Variants in NCK2 observed in about 807,000 individuals in gnomAD.
NCK2 encodes cytoplasmic protein NCK2.
A neutral mutation model predicts 33.9 loss-of-function variants in NCK2; 16 were observed. The observed-to-expected ratio is 0.47, with a 90% confidence interval of 0.32 to 0.72. The LOEUF is 0.72. NCK2 is among the 30% of genes least tolerant of loss of function. The probability of loss-of-function intolerance (pLI) is 0.03; values close to 1 mark genes in which losing one functional copy is unlikely to be tolerated. For synonymous variants in NCK2, 273 were observed against 239.9 expected (o/e 1.14, Z -1.27); for missense variants, 418 against 537.3 (o/e 0.78, Z 2.19).
intron 4 of NCK2, among the ~76,000 whole-genome samples, chr2:105,889,718 G>A (rs1186105252): frequency 6.6e-6 from 1 of 151,850 alleles, no homozygotes; most frequent in Non-Finnish European, 1.5e-5. Context: ...CAAGTAGCTG[G>A]GACCACAGGT....
chr2:105,819,997 G>T (rs1041917369), intron 2 of NCK2, among the ~76,000 whole-genome samples: 1 of 152,164 alleles, frequency 6.6e-6, no homozygotes, highest in African/African-American at 2.4e-5. Context: ...GTTTGGGACT[G>T]TGCTAACTGC....
chr2:105,842,142 A>G lies in NCK2; in HGVS notation c.-16-12906A>G, dbSNP rs557275718. On this transcript the variant is annotated intron_variant, in intron 2 of 4. Transcript: ENST00000233154. ...CTCTCGTTTCCCAGGCTGGAGTGCA[A>G]TGGCGCGACCTCGGCTCACTGCAAC... 9.2e-5 allele frequency among the ~76,000 whole-genome samples: 14 copies of G among 151,982 alleles called. No individual in the cohort carries two copies. The East Asian group carries it at 2.7e-3, about 29-fold the overall frequency.
intron 2 of NCK2, among the ~76,000 whole-genome samples, chr2:105,835,765 A>T (rs1384081005): frequency 3.3e-5 from 5 of 152,020 alleles, no homozygotes; most frequent in Admixed American, 2.6e-4. Flanking sequence ...CAAAATATGA[A>T]TATATGTTTG....
chr2:105,815,330 A>G (rs1366126793), intron 1 of NCK2, among the ~76,000 whole-genome samples: 4 of 151,008 alleles, frequency 2.6e-5, no homozygotes, highest in Admixed American at 6.6e-5. Context: ...TGATAGCCCT[A>G]TTTGAATTAT....
At chr2:105,862,230 C>G (rs1573218254) in intron 3 of NCK2, among the ~76,000 whole-genome samples, 1 of 152,086 alleles carries the variant, frequency 6.6e-6, no homozygotes, top group Non-Finnish European at 1.5e-5. Flanking sequence ...GGGCTTCAGA[C>G]TAGTGGGAAG....
At chr2:105,802,865 G>A (rs1224528209) in intron 1 of NCK2, among the ~76,000 whole-genome samples, 1 of 151,876 alleles carries the variant, frequency 6.6e-6, no homozygotes, top group Non-Finnish European at 1.5e-5. Context: ...TTTGTCGCTT[G>A]CCACCCAGTT....
At chr2:105,831,102 TG>T (rs1381102066) in intron 2 of NCK2, among the ~76,000 whole-genome samples, 1 of 152,218 alleles carries the variant, frequency 6.6e-6, no homozygotes, top group Non-Finnish European at 1.5e-5. Flanking sequence ...TGTCTATGTT[TG>T]CTTTTGTTGC....
intron 3 of NCK2, among the ~76,000 whole-genome samples, chr2:105,861,509 TTC>T (rs1677530008): frequency 7.3e-6 from 1 of 136,338 alleles, no homozygotes; most frequent in Non-Finnish European, 1.5e-5. Context: ...GTTGAGGTTT[TTC>T]TCTTTTTTTT....
chr2:105,794,771 T>C (rs1000878993), intron 1 of NCK2, among the ~76,000 whole-genome samples: 1 of 151,970 alleles, frequency 6.6e-6, no homozygotes, highest in Non-Finnish European at 1.5e-5. Context: ...AGTGCAGTGG[T>C]GCAGTCTTGG....
intron 3 of NCK2, 79 bp downstream of exon 3, chr2:105,855,368 T>TTA: frequency 1.2e-6 from 1 of 820,574 alleles, no homozygotes; most frequent in Non-Finnish European, 1.6e-6. Flanking sequence ...GTTTGCTGTT[T>TTA]CAAAAAAAAA....
intron 1 of NCK2, among the ~76,000 whole-genome samples, chr2:105,753,027 G>C (rs780059338): frequency 1.3e-5 from 2 of 152,214 alleles, no homozygotes; most frequent in Non-Finnish European, 2.9e-5. Flanking sequence ...GCTAAGGAAA[G>C]GGAGGCACTG....
At chr2:105,816,792 G>T (rs1305879099) in intron 2 of NCK2, among the ~76,000 whole-genome samples, 179 bp downstream of exon 2, 1 of 152,178 alleles carries the variant, frequency 6.6e-6, no homozygotes, top group Non-Finnish European at 1.5e-5. Flanking sequence ...TTTAGTGTGT[G>T]ATGGTTCTGA....
At chr2:105,873,378 G>A (rs1678094674) in intron 3 of NCK2, among the ~76,000 whole-genome samples, 1 of 152,134 alleles carries the variant, frequency 6.6e-6, no homozygotes, top group Middle Eastern at 3.2e-3. Flanking sequence ...AGGCCTAATG[G>A]ATGTGGCCTC....
intron 1 of NCK2, among the ~76,000 whole-genome samples, chr2:105,764,779 T>TTATA (rs1230938903): frequency 1.3e-5 from 2 of 152,270 alleles, no homozygotes; most frequent in African/African-American, 4.8e-5. Context: ...CTTTTCATAT[T>TTATA]TGCAGCTCAT....
intron 1 of NCK2, among the ~76,000 whole-genome samples, chr2:105,782,605 T>C (rs2104405359): frequency 6.6e-6 from 1 of 152,362 alleles, no homozygotes; most frequent in African/African-American, 2.4e-5. Flanking sequence ...TTTTATTTTG[T>C]TAGAGCAGTT....
intron 3 of NCK2, among the ~76,000 whole-genome samples, chr2:105,874,204 G>A (rs1002035912): frequency 2.0e-5 from 3 of 151,940 alleles, no homozygotes; most frequent in African/African-American, 4.8e-5. Flanking sequence ...TGTGCCCTTC[G>A]TACTCTGAAT....
In NCK2 at chr2:105,835,408, T is replaced by TGTGTATATATATATAC. The variant is rs58169414; in HGVS notation, c.-17+18797_-17+18798insGTATATATATATACGT. Among the ~76,000 whole-genome samples the TGTGTATATATATATAC allele has an allele frequency of 5.1e-3, 211 of 41,248 alleles. 10 individuals carry two copies. The highest frequency in any genetic ancestry group is 0.035 in the South Asian group (30 of 868). The allele number at this position is 41,248 out of a possible 152,430, so 27.1% of individuals were successfully genotyped here. A position where few individuals can be genotyped will look rare whatever the true frequency, so the allele number is the denominator to read the frequency against. ...ATACACATATATATATATATATACGTGTATATATATATATATTTTTTTTTT... is the reference window on the plus strand; with the variant it reads ...ATACACATATATATATATATATACGTGTGTATATATATATACGTATATATATATATATTTTTTTTTT... On this transcript the variant is annotated intron_variant, in intron 2 of 4. Transcript: ENST00000233154.
At chr2:105,802,336 G>A (rs1302952880) in intron 1 of NCK2, among the ~76,000 whole-genome samples, 1 of 152,220 alleles carries the variant, frequency 6.6e-6, no homozygotes, top group African/African-American at 2.4e-5. Flanking sequence ...CATGCCTTTA[G>A]CATTTGCATT....
At chr2:105,835,394 T>TATACAC (rs1676369244) in intron 2 of NCK2, among the ~76,000 whole-genome samples, 1 of 55,484 alleles carries the variant, frequency 1.8e-5, no homozygotes, top group Non-Finnish European at 4.7e-5. Context: ...TACACATATA[T>TATACAC]ATATATATAT....
Sources: gnomAD v4.1 joint callset for allele counts (sites outside exome capture counted in the v4.1 genomes callset) on GRCh38, gnomAD v4.1.1 for gene constraint, MANE v1.5 for transcripts, NCBI Gene and HGNC (gene_info 2026-07-23, HGNC 2026-07-21) for gene names.